Variants in ERC2 observed in about 807,000 individuals in gnomAD.
ERC2 encodes ELKS/RAB6-interacting/CAST family member 2, also known as ERC protein 2.
ERC2 carries 42 observed loss-of-function variants against 114.8 expected under a neutral mutation model. That is an observed-to-expected ratio of 0.37 (90% CI 0.29 to 0.47). The LOEUF is 0.47. Among genes scored for constraint, ERC2 ranks in the 20% least tolerant of loss-of-function variants. The pLI, the probability that ERC2 is intolerant of heterozygous loss-of-function variation, is 0.99. For missense variants in ERC2, 939 were observed against 1,150.7 expected, an observed-to-expected ratio of 0.82 and a Z score of 2.66; for synonymous variants, 454 against 425.5, an observed-to-expected ratio of 1.07 and a Z score of -0.82.
At chr3:55,994,199 G>A (rs2071305400) in intron 10 of ERC2, among the ~76,000 whole-genome samples, 1 of 16,452 alleles carries the variant, frequency 6.1e-5, no homozygotes, top group Admixed American at 1.3e-3. Context: ...TTTTAAAAAA[G>A]AATTAATGAC....
chr3:56,338,371 C>T (rs911263288), intron 2 of ERC2, among the ~76,000 whole-genome samples: 6 of 152,190 alleles, frequency 3.9e-5, no homozygotes, highest in Non-Finnish European at 5.9e-5. Flanking sequence ...TTTTCAGGAA[C>T]GTCAGAGAAC....
At chr3:56,003,957 T>A (rs970304974) in intron 10 of ERC2, among the ~76,000 whole-genome samples, 2 of 152,038 alleles carry the variant, frequency 1.3e-5, no homozygotes, top group Non-Finnish European at 2.9e-5. Flanking sequence ...TGGGGCTCAA[T>A]GTCAAGGTGT....
At chr3:56,147,007 C>T (rs1331482091) in intron 5 of ERC2, among the ~76,000 whole-genome samples, 1 of 152,198 alleles carries the variant, frequency 6.6e-6, no homozygotes, top group East Asian at 1.9e-4. Context: ...GGACAGAGTC[C>T]ATGATGAGGG....
chr3:56,033,058 A>C lies in ERC2; in HGVS notation c.1642-14027T>G, dbSNP rs1560058731. Among the ~76,000 whole-genome samples, 853 of 146,080 alleles carry C rather than the reference A, an allele frequency of 5.8e-3. 15 individuals carry two copies. The highest frequency in any genetic ancestry group is 9.0e-3 in the Non-Finnish European group (587 of 64,970). ...AAAGAAAGAAAGAAAGAAAGAAAGAAAGAAAGAAAGAAAGAAAGAAAGAAA... is the reference window on the plus strand; with the variant it reads ...AAAGAAAGAAAGAAAGAAAGAAAGACAGAAAGAAAGAAAGAAAGAAAGAAA... On this transcript the variant is annotated intron_variant, in intron 7 of 17. Coordinates refer to ENST00000288221, the MANE Select transcript of ERC2 (RefSeq NM_015576.3).
At chr3:55,819,701 CAAT>C (rs2060042804) in intron 14 of ERC2, among the ~76,000 whole-genome samples, 1 of 152,182 alleles carries the variant, frequency 6.6e-6, no homozygotes, top group African/African-American at 2.4e-5. Context: ...ATCTATTAGA[CAAT>C]GATGATATTA....
At chr3:56,061,731 A>G (rs542771563) in intron 7 of ERC2, among the ~76,000 whole-genome samples, 1 of 152,356 alleles carries the variant, frequency 6.6e-6, no homozygotes, top group East Asian at 1.9e-4. Flanking sequence ...AGCAAATAAC[A>G]TATATTTCCT....
chr3:55,730,347 G>A (rs1046213819), intron 15 of ERC2, among the ~76,000 whole-genome samples: 1 of 152,202 alleles, frequency 6.6e-6, no homozygotes, highest in Non-Finnish European at 1.5e-5. Context: ...CACTGCCAGA[G>A]AGTCTGGCAG....
At chr3:56,084,867 T>TAAAA (rs35491624) in intron 6 of ERC2, among the ~76,000 whole-genome samples, 10 of 133,042 alleles carry the variant, frequency 7.5e-5, no homozygotes, top group Non-Finnish European at 1.4e-4. Context: ...ATTTAAAAAT[T>TAAAA]AAAAAAAAAA....
At chr3:56,214,249 AG>A (rs2049289760) in intron 3 of ERC2, among the ~76,000 whole-genome samples, 1 of 152,190 alleles carries the variant, frequency 6.6e-6, no homozygotes, top group African/African-American at 2.4e-5. Context: ...CCTTGAAAAA[AG>A]ATTAGACGAA....
chr3:56,352,153 T>C (rs574268398), intron 2 of ERC2, among the ~76,000 whole-genome samples: 8 of 152,188 alleles, frequency 5.3e-5, no homozygotes, highest in Non-Finnish European at 1.0e-4. Context: ...CAGATTAACA[T>C]TAAAAAATAA....
At chr3:55,628,065 A>G (rs1472732844) in intron 17 of ERC2, among the ~76,000 whole-genome samples, 1 of 152,114 alleles carries the variant, frequency 6.6e-6, no homozygotes, top group African/African-American at 2.4e-5. Context: ...AGTTACTCAT[A>G]ATATCTTTTA....
intron 6 of ERC2, among the ~76,000 whole-genome samples, chr3:56,091,592 C>T (rs2077793335): frequency 6.6e-6 from 1 of 152,170 alleles, no homozygotes; most frequent in African/African-American, 2.4e-5. Context: ...CCAGGTAGGA[C>T]ACCTTCTGCA....
chr3:55,681,938 G>T (rs1424524385), intron 17 of ERC2, among the ~76,000 whole-genome samples: 1 of 152,130 alleles, frequency 6.6e-6, no homozygotes, highest in African/African-American at 2.4e-5. Context: ...AAACACAAGT[G>T]CAGCCTAGCG....
intron 2 of ERC2, among the ~76,000 whole-genome samples, chr3:56,329,331 A>T (rs2057502852): frequency 2.0e-5 from 3 of 152,198 alleles, no homozygotes; most frequent in South Asian, 4.1e-4. Flanking sequence ...CAATTTTTAA[A>T]GAAATAACAT....
chr3:56,450,637 G>A (rs1179278694), intron 1 of ERC2, among the ~76,000 whole-genome samples: 1 of 151,976 alleles, frequency 6.6e-6, no homozygotes, highest in Non-Finnish European at 1.5e-5. Flanking sequence ...GACCAGCCTG[G>A]GCAACATGAC....
chr3:56,383,044 A>G (rs1201807126), intron 2 of ERC2, among the ~76,000 whole-genome samples: 10 of 151,900 alleles, frequency 6.6e-5, no homozygotes, highest in Non-Finnish European at 1.3e-4. Context: ...CCATCCCACA[A>G]TCAATCCATC....
At chr3:55,934,766 G>T (rs761768120) in intron 13 of ERC2, among the ~76,000 whole-genome samples, 9 of 152,132 alleles carry the variant, frequency 5.9e-5, no homozygotes, top group Non-Finnish European at 1.2e-4. Flanking sequence ...ACATAATTTT[G>T]GCAATATGAA....
intron 15 of ERC2, among the ~76,000 whole-genome samples, chr3:55,732,964 G>A (rs1459666077): frequency 6.6e-6 from 1 of 152,192 alleles, no homozygotes; most frequent in Non-Finnish European, 1.5e-5. Flanking sequence ...ACGGGGGCAA[G>A]TGTCTCCTTA....
chr3:55,792,207 GC>G (rs947960405), intron 14 of ERC2, among the ~76,000 whole-genome samples: 14 of 152,122 alleles, frequency 9.2e-5, no homozygotes, highest in African/African-American at 3.4e-4. Context: ...GCTCCCCTTT[GC>G]AATCTTTGAG....
Sources: allele counts gnomAD v4.1 joint callset (sites outside exome capture counted in the v4.1 genomes callset), GRCh38; gene constraint gnomAD v4.1.1; transcripts MANE v1.5; gene names NCBI Gene and HGNC (gene_info 2026-07-23, HGNC 2026-07-21).